Variants in TMEM132C observed in about 807,000 individuals in gnomAD.
TMEM132C encodes transmembrane protein 132C.
In TMEM132C, 29 loss-of-function variants were observed where a neutral mutation model predicts 61.4. The ratio of observed to expected loss-of-function variants is 0.47; its 90% CI spans 0.35 to 0.64. TMEM132C has a LOEUF of 0.64. TMEM132C is among the 30% of genes least tolerant of loss of function. The probability of loss-of-function intolerance (pLI) is 0.00; values close to 1 mark genes in which losing one functional copy is unlikely to be tolerated. For missense variants in TMEM132C, 1,408 were observed against 1,476.9 expected (o/e 0.95, Z 0.76); for synonymous variants, 656 against 633.1 (o/e 1.04, Z -0.54).
At chr12:128,295,981 C>T (rs1181528214) in intron 1 of TMEM132C, among the ~76,000 whole-genome samples, 1 of 152,180 alleles carries the variant, frequency 6.6e-6, no homozygotes, top group Non-Finnish European at 1.5e-5. Context: ...ATGCATCTTG[C>T]AAGAATGAGT....
At chr12:128,612,145 C>A (rs1443620273) in intron 3 of TMEM132C, among the ~76,000 whole-genome samples, 1 of 152,176 alleles carries the variant, frequency 6.6e-6, no homozygotes, top group Admixed American at 6.5e-5. Flanking sequence ...TAAGGCCTCC[C>A]GGGGGCTCAT....
intron 1 of TMEM132C, among the ~76,000 whole-genome samples, chr12:128,333,660 G>A (rs1013158413): frequency 8.6e-5 from 13 of 151,020 alleles, no homozygotes; most frequent in Admixed American, 7.9e-4. Context: ...GAGAGTTTAT[G>A]GTGTGTGTGG....
rs1441235333 is a variant in TMEM132C, at chr12:128,637,337, C to G, written c.1305+21002C>G. Among the ~76,000 whole-genome samples the G allele has an allele frequency of 3.3e-5, 5 of 152,250 alleles. No individual in the cohort carries two copies. The East Asian group carries it at 9.7e-4, about 29-fold the overall frequency. ...CTCTGTATGGTAGCAGGCATTACTC[C>G]CATTCGCAGATGAGAAAGTCAAGGC... On this transcript the variant is annotated intron_variant, in intron 4 of 8. Transcript: ENST00000435159.
chr12:128,602,447 T>TCTG (rs1156749341), intron 3 of TMEM132C, among the ~76,000 whole-genome samples: 2 of 152,250 alleles, frequency 1.3e-5, no homozygotes, highest in East Asian at 1.9e-4. Flanking sequence ...CTCTGCCTGA[T>TCTG]CTGCCCAAGA....
At chr12:128,287,890 G>T (rs1024879615) in intron 1 of TMEM132C, among the ~76,000 whole-genome samples, 2 of 152,078 alleles carry the variant, frequency 1.3e-5, no homozygotes, top group African/African-American at 4.8e-5. Flanking sequence ...TTTTTTAGAA[G>T]AATGTCCCTC....
Position 128,278,006 on chromosome 12 carries a change from C to A in TMEM132C, c.85+10519C>A, listed in dbSNP as rs1021679544. On this transcript the variant is annotated intron_variant, in intron 1 of 8. Transcript: ENST00000435159. The surrounding 1 kb of genome is among the most constrained non-coding windows in gnomAD (Gnocchi z 4.2). ...AATAGTAGCATCTTCTATCACTGAC[C>A]TCCTCTTGCAGATAAGGAGACCTTA... 1.3e-5 allele frequency among the ~76,000 whole-genome samples: 2 copies of A among 152,064 alleles called. No homozygotes were observed. The highest frequency in any genetic ancestry group is 6.6e-5 in the Admixed American group (1 of 15,264).
intron 2 of TMEM132C, among the ~76,000 whole-genome samples, chr12:128,521,727 C>A (rs1273715917): frequency 6.6e-6 from 1 of 152,042 alleles, no homozygotes; most frequent in African/African-American, 2.4e-5. Context: ...TGTAGCCTGT[C>A]CTGAGAAGGC....
At chr12:128,388,321 G>A (rs936784285) in intron 1 of TMEM132C, among the ~76,000 whole-genome samples, 39 of 152,372 alleles carry the variant, frequency 2.6e-4, no homozygotes, top group African/African-American at 7.9e-4. Context: ...GCCAGGCAGC[G>A]AATCCAGCCT....
rs72370132 is a variant in TMEM132C, at chr12:128,327,361, GGTTTGTTTGTTT to G, written c.85+59899_85+59910del. Among the ~76,000 whole-genome samples, 75 of 146,974 alleles carry G rather than the reference GGTTTGTTTGTTT, an allele frequency of 5.1e-4. 4 individuals are homozygous for G. The highest frequency in any genetic ancestry group is 1.4e-3 in the African/African-American group (51 of 36,862). ...GCCCCAGGTGCCCGGGGCGCAGCTTGGTTTGTTTGTTTGTTTGTTTGTTTGTTTGTTTGTTTT... is the reference window on the plus strand; with the variant it reads ...GCCCCAGGTGCCCGGGGCGCAGCTTGGTTTGTTTGTTTGTTTGTTTGTTTT... On this transcript the variant is annotated intron_variant, in intron 1 of 8. Transcript: ENST00000435159.
At position 128,502,928 on chromosome 12, in the gene TMEM132C, C is replaced by T. The variant is rs566119719; in HGVS notation, c.975-41029C>T. The stretch of plus-strand genomic sequence containing the variant: ...TCCATCTGCTCTGATCTCTCAAGTA[C>T]TTCTCATTCAGTCCCATTTAACCAG... On this transcript the variant is annotated intron_variant, in intron 2 of 8. Transcript: ENST00000435159. Among the ~76,000 whole-genome samples the T allele has an allele frequency of 3.3e-5, 5 of 152,338 alleles. No homozygotes were observed. The South Asian group carries it at 6.2e-4, about 19-fold the overall frequency.
intron 1 of TMEM132C, among the ~76,000 whole-genome samples, chr12:128,318,595 C>T (rs1872225939): frequency 6.6e-6 from 1 of 152,200 alleles, no homozygotes; most frequent in Non-Finnish European, 1.5e-5. Context: ...TCATCCATAA[C>T]GTAATTGAAA....
At chr12:128,487,603 G>GTATATATATATA (rs35552118) in intron 2 of TMEM132C, among the ~76,000 whole-genome samples, 16 of 136,654 alleles carry the variant, frequency 1.2e-4, no homozygotes, top group African/African-American at 1.6e-4. Context: ...GTGTGTGTGG[G>GTATATATATATA]TATATATATA....
chr12:128,467,133 G>A (rs1302225682), intron 2 of TMEM132C, among the ~76,000 whole-genome samples: 1 of 152,184 alleles, frequency 6.6e-6, no homozygotes, highest in Non-Finnish European at 1.5e-5. Context: ...CATAGTGCAA[G>A]CATCAGACAT....
At chr12:128,320,539 G>A (rs1162774552) in intron 1 of TMEM132C, among the ~76,000 whole-genome samples, 3 of 152,178 alleles carry the variant, frequency 2.0e-5, no homozygotes, top group Non-Finnish European at 2.9e-5. Context: ...GCCAAGGCAG[G>A]AGGATCGCTT....
intron 3 of TMEM132C, among the ~76,000 whole-genome samples, chr12:128,602,392 G>A (rs1193212219): frequency 6.6e-6 from 1 of 152,208 alleles, no homozygotes; most frequent in East Asian, 1.9e-4. Context: ...TTCCAGGTCT[G>A]ATAAGGAATT....
chr12:128,580,998 A>G (rs1157582840), intron 3 of TMEM132C, among the ~76,000 whole-genome samples: 30 of 151,830 alleles, frequency 2.0e-4, no homozygotes, highest in Admixed American at 2.0e-3. Context: ...CTGCGGGGGG[A>G]AAAATTGCCC....
chr12:128,581,887 T>C (rs1018845493), intron 3 of TMEM132C, among the ~76,000 whole-genome samples: 18 of 152,216 alleles, frequency 1.2e-4, no homozygotes, highest in African/African-American at 4.1e-4. Context: ...AGTTGTGTAC[T>C]GAGGGGGTGC....
intron 1 of TMEM132C, among the ~76,000 whole-genome samples, chr12:128,303,746 T>C (rs949804508): frequency 6.6e-6 from 1 of 152,172 alleles, no homozygotes; most frequent in African/African-American, 2.4e-5. Flanking sequence ...GAGTCTTATT[T>C]TTCTACCTCT....
At chr12:128,516,008 T>A (rs1318972376) in intron 2 of TMEM132C, among the ~76,000 whole-genome samples, 1 of 152,162 alleles carries the variant, frequency 6.6e-6, no homozygotes, top group African/African-American at 2.4e-5. Context: ...GCCCTGTGGT[T>A]CGCTGGTTTG....
Sources: gnomAD v4.1 joint callset for allele counts (sites outside exome capture counted in the v4.1 genomes callset) on GRCh38, gnomAD v4.1.1 for gene constraint, Gnocchi (gnomAD v3.1) non-coding constraint, MANE v1.5 for transcripts, NCBI Gene and HGNC (gene_info 2026-07-23, HGNC 2026-07-21) for gene names.